Variants in CBY1 observed in about 807,000 individuals in gnomAD.
CBY1 encodes chibby 1, beta catenin antagonist.
A neutral mutation model predicts 15.6 loss-of-function variants in CBY1; 10 were observed. That is an observed-to-expected ratio of 0.64 (90% CI 0.40 to 1.09). The LOEUF (loss-of-function observed/expected upper bound fraction) is 1.09. CBY1 is among the 50% of genes least tolerant of loss of function. The pLI, the probability that CBY1 is intolerant of heterozygous loss-of-function variation, is 0.01. For synonymous variants in CBY1, 61 were observed against 63.5 expected (o/e 0.96, Z 0.19); for missense variants, 150 against 160.5 (o/e 0.93, Z 0.35).
chr22:38,669,634 T>G (rs2092446738), intron 2 of CBY1: 1 of 152,334 alleles, frequency 6.6e-6, no homozygotes. Flanking sequence ...AGCTTTCATT[T>G]TCAACAGGGT....
At chr22:38,668,387 T>C in intron 2 of CBY1, 1 of 360,192 alleles carries the variant, frequency 2.8e-6, no homozygotes, top group Non-Finnish European at 5.1e-6. Context: ...TTTTCTTTTT[T>C]GAGATGGAGT....
In CBY1 at chr22:38,668,051, A is replaced by G; in HGVS notation, c.-4A>G. 1 of 1,613,980 alleles carries G rather than the reference A, an allele frequency of 6.2e-7. No homozygotes were observed. The highest frequency in any genetic ancestry group is 8.5e-7 in the Non-Finnish European group (1 of 1,179,884). On this transcript the variant is annotated 5_prime_UTR_variant, in exon 2 of 5. Transcript: ENST00000216029. Reference sequence around the variant, plus strand: ...GCACTGGCTTTGCTTTCATCAGGCCAAAGATGCCTTTCTTTGGGAATACGT... The same window carrying G: ...GCACTGGCTTTGCTTTCATCAGGCCGAAGATGCCTTTCTTTGGGAATACGT...
At position 38,671,149 on chromosome 22, in the gene CBY1, C is replaced by T; in HGVS notation, c.264C>T (p.Asn88=). Residue 88 remains asparagine (N), a synonymous_variant, in exon 4 of 5, where the codon AAC becomes AAT. Coordinates refer to ENST00000216029, the MANE Select transcript of CBY1 (RefSeq NM_015373.4). ...GGAACCAGCAGTTGGAGGAAGAGAA[C>T]AATCTCTTGCGGCTGAAAGTGGACA... The part of the protein sequence containing the change: ...RRRNQQLEEE[N]NLLRLKVDIL... 6.2e-7 allele frequency: 1 copy of T among 1,613,968 alleles called. No individual in the cohort carries two copies. Among genetic ancestry groups the T allele is most frequent in the Non-Finnish European group, 8.5e-7 (1 of 1,179,806 alleles).
chr22:38,662,675 A>G, intron 1 of CBY1, among the ~76,000 whole-genome samples: 1 of 152,098 alleles, frequency 6.6e-6, no homozygotes, highest in Admixed American at 6.6e-5. Context: ...TATCTTTGGT[A>G]GAGACAGGGT....
chr22:38,663,427 G>A (rs2092427208), intron 1 of CBY1, among the ~76,000 whole-genome samples: 1 of 151,766 alleles, frequency 6.6e-6, no homozygotes, highest in South Asian at 2.1e-4. Context: ...CGGACGCGGT[G>A]GCCCACACCT....
intron 1 of CBY1, among the ~76,000 whole-genome samples, chr22:38,664,513 C>CA (rs2092430923): frequency 6.8e-6 from 1 of 147,574 alleles, no homozygotes; most frequent in East Asian, 2.0e-4. Context: ...AAGCATGCCA[C>CA]AAAAAAATCC....
intron 1 of CBY1, among the ~76,000 whole-genome samples, chr22:38,663,727 G>GAAAGCAAA (rs2092428504): frequency 7.1e-6 from 1 of 140,144 alleles, no homozygotes; most frequent in African/African-American, 2.7e-5. Flanking sequence ...GAAAAAAAAA[G>GAAAGCAAA]AAAGCAAAAA....
intron 1 of CBY1, among the ~76,000 whole-genome samples, chr22:38,661,651 T>C (rs1324998977): frequency 2.0e-5 from 3 of 152,256 alleles, no homozygotes; most frequent in Non-Finnish European, 4.4e-5. Context: ...TCTCCCTTAA[T>C]GAAAACAGCC....
intron 1 of CBY1, chr22:38,657,158 T>C: frequency 1.0e-6 from 1 of 963,354 alleles, no homozygotes; most frequent in Non-Finnish European, 1.2e-6. Flanking sequence ...GATAATATAT[T>C]TTATGGCCTG....
At chr22:38,659,583 C>G (rs1019968622) in intron 1 of CBY1, among the ~76,000 whole-genome samples, 4 of 151,970 alleles carry the variant, frequency 2.6e-5, no homozygotes, top group Non-Finnish European at 4.4e-5. Flanking sequence ...AATGTGCTGG[C>G]CGGGCACGGT....
At chr22:38,669,052 C>T (rs541657149) in intron 2 of CBY1, among the ~76,000 whole-genome samples, 23 of 152,302 alleles carry the variant, frequency 1.5e-4, no homozygotes, top group Non-Finnish European at 2.5e-4. Context: ...CAGCAGTGTG[C>T]TTACATGACG....
chr22:38,671,533 G>T, intron 4 of CBY1: 1 of 297,232 alleles, frequency 3.4e-6, no homozygotes, highest in Admixed American at 4.6e-5. Flanking sequence ...GTTAGATGAA[G>T]GCATTCCAGG....
In CBY1 at chr22:38,673,197, G is replaced by A. The variant is rs975633889; in HGVS notation, c.342G>A (p.Lys114=). 8.1e-6 allele frequency: 13 copies of A among 1,612,844 alleles called. No homozygotes were observed. Among genetic ancestry groups the A allele is most frequent in the Non-Finnish European group, 1.0e-5 (12 of 1,178,970 alleles). Residue 114 remains lysine, a synonymous_variant, in exon 5 of 5, where the codon AAG becomes AAA. Coordinates refer to ENST00000216029, the MANE Select transcript of CBY1 (RefSeq NM_015373.4). Reference sequence around the variant, plus strand: ...CTGCTGAATCCCACTTAATGGAGAAGGAACTGGATGAACTGAGGATCAGCC... The same window carrying A: ...CTGCTGAATCCCACTTAATGGAGAAAGAACTGGATGAACTGAGGATCAGCC... ...ESTAESHLME[K]ELDELRISRK...
intron 4 of CBY1, among the ~76,000 whole-genome samples, 159 bp from the exon 5 acceptor site, chr22:38,673,000 G>T (rs1174369558): frequency 6.6e-6 from 1 of 152,156 alleles, no homozygotes; most frequent in African/African-American, 2.4e-5. Context: ...GTCATCAGGG[G>T]TTGCATTCTA....
rs1295182763 is a variant in CBY1, at chr22:38,672,166, G to A, written c.303+978G>A. Among the ~76,000 whole-genome samples the A allele has an allele frequency of 3.3e-5, 5 of 151,592 alleles. No individual in the cohort carries two copies. The East Asian group carries it at 9.9e-4, about 30-fold the overall frequency. On this transcript the variant is annotated intron_variant, in intron 4 of 4. Coordinates refer to ENST00000216029, the MANE Select transcript of CBY1 (RefSeq NM_015373.4). Reference sequence around the variant, plus strand: ...AATCCCAGCTACTCAGGAGGCTGAGGCAGGAGAATTGCTTGAACCCGGGAG... The same window carrying A: ...AATCCCAGCTACTCAGGAGGCTGAGACAGGAGAATTGCTTGAACCCGGGAG...
chr22:38,661,771 G>A lies in CBY1; in HGVS notation c.-39+5021G>A, dbSNP rs1603114404. Among the ~76,000 whole-genome samples the A allele has an allele frequency of 2.0e-5, 3 of 152,100 alleles. No homozygotes were observed. The South Asian group carries it at 6.2e-4, about 32-fold the overall frequency. Reference sequence around the variant, plus strand: ...TGGATATAAAACCTTGTTTCAAATAGTCTTGAAAAGATACCAACCCCTCCT... The same window carrying A: ...TGGATATAAAACCTTGTTTCAAATAATCTTGAAAAGATACCAACCCCTCCT... On this transcript the variant is annotated intron_variant, in intron 1 of 4. Coordinates refer to ENST00000216029, the MANE Select transcript of CBY1 (RefSeq NM_015373.4).
At chr22:38,671,381 C>T in intron 4 of CBY1, 193 bp downstream of exon 4, 1 of 576,092 alleles carries the variant, frequency 1.7e-6, no homozygotes, top group Non-Finnish European at 3.1e-6. Flanking sequence ...CGACCGTAAG[C>T]ATAATTACAT....
Position 38,662,170 on chromosome 22 carries a change from C to T in CBY1, c.-39+5420C>T, listed in dbSNP as rs8140293. Among the ~76,000 whole-genome samples the T allele has an allele frequency of 1.2e-4, 18 of 151,894 alleles. 1 individual carries two copies. In the South Asian group the frequency reaches 2.9e-3, roughly 25 times the overall value. On this transcript the variant is annotated intron_variant, in intron 1 of 4. Coordinates refer to ENST00000216029, the MANE Select transcript of CBY1 (RefSeq NM_015373.4). ...CACAAAAATTAGCTGGGCCTAGTGGCGCGTGCCTGTGATCTCAGCTACTTG... is the reference window on the plus strand; with the variant it reads ...CACAAAAATTAGCTGGGCCTAGTGGTGCGTGCCTGTGATCTCAGCTACTTG...
intron 2 of CBY1, among the ~76,000 whole-genome samples, chr22:38,669,161 C>A (rs1259924432): frequency 6.6e-6 from 1 of 152,136 alleles, no homozygotes; most frequent in Admixed American, 6.5e-5. Flanking sequence ...GCCTCCACAG[C>A]GCTCCATATG....
Sources: allele counts gnomAD v4.1 joint callset (sites outside exome capture counted in the v4.1 genomes callset), GRCh38; gene constraint gnomAD v4.1.1; transcripts MANE v1.5; gene names NCBI Gene and HGNC (gene_info 2026-07-23, HGNC 2026-07-21).